The following WWOX variants were observed in gnomAD, a reference collection of about 807,000 sequenced individuals.
WWOX encodes WW domain-containing oxidoreductase.
A neutral mutation model predicts 46.2 loss-of-function variants in WWOX; 69 were observed. The observed-to-expected ratio is 1.49, with a 90% CI of 1.23 to 1.82. WWOX has a LOEUF of 1.82. WWOX is among the 40% of genes most tolerant of loss of function. The pLI is 0.00. For synonymous variants in WWOX, 359 were observed against 202.6 expected (o/e 1.77, Z -6.56); for missense variants, 919 against 542.6 (o/e 1.69, Z -6.89).
chr16:78,497,414 G>C (rs1371855910), intron 8 of WWOX, among the ~76,000 whole-genome samples: 2 of 152,184 alleles, frequency 1.3e-5, no homozygotes, highest in East Asian at 1.9e-4. Flanking sequence ...TGCACAATGA[G>C]TGTTTTTGTA....
At chr16:78,147,210 C>T (rs955359674) in intron 4 of WWOX, among the ~76,000 whole-genome samples, 3 of 151,820 alleles carry the variant, frequency 2.0e-5, no homozygotes, top group South Asian at 4.1e-4. Flanking sequence ...AAGGATTATC[C>T]TTTAATTTAG....
chr16:78,581,883 A>T (rs2667530), intron 8 of WWOX, among the ~76,000 whole-genome samples: 1 of 152,164 alleles, frequency 6.6e-6, no homozygotes, highest in East Asian at 1.9e-4. Flanking sequence ...CCTCTATTTG[A>T]AATTAAAATG....
At chr16:78,825,878 A>T in intron 8 of WWOX, 1 of 672,736 alleles carries the variant, frequency 1.5e-6, no homozygotes, top group Non-Finnish European at 2.7e-6. Flanking sequence ...TGGCCCTAAG[A>T]AGCCTCTGCC....
At chr16:79,021,294 G>T (rs529655839) in intron 8 of WWOX, among the ~76,000 whole-genome samples, 109 of 152,232 alleles carry the variant, frequency 7.2e-4, no homozygotes, top group African/African-American at 2.6e-3. Flanking sequence ...AAGGCACGCA[G>T]GATGCAAGAT....
chr16:78,257,252 T>G (rs1157058653), intron 5 of WWOX, among the ~76,000 whole-genome samples: 2 of 152,154 alleles, frequency 1.3e-5, no homozygotes, highest in Non-Finnish European at 2.9e-5. Context: ...ATGTTTCTCT[T>G]ATGTAGGAAG....
chr16:78,761,699 G>T (rs2049798565), intron 8 of WWOX, among the ~76,000 whole-genome samples: 1 of 152,000 alleles, frequency 6.6e-6, no homozygotes, highest in Non-Finnish European at 1.5e-5. Flanking sequence ...CCTTGGCTTT[G>T]AAGCTCTCCT....
chr16:78,149,807 C>A (rs1189751632), intron 4 of WWOX, among the ~76,000 whole-genome samples: 1 of 152,130 alleles, frequency 6.6e-6, no homozygotes, highest in Non-Finnish European at 1.5e-5. Flanking sequence ...TGGGGGCATT[C>A]CAGGCTGGTT....
chr16:78,824,036 G>A (rs1418092578), intron 8 of WWOX, among the ~76,000 whole-genome samples: 2 of 151,870 alleles, frequency 1.3e-5, no homozygotes, highest in Admixed American at 6.6e-5. Context: ...TGATAGACGT[G>A]TTCATTGTAG....
At chr16:78,901,175 C>G (rs2044822782) in intron 8 of WWOX, among the ~76,000 whole-genome samples, 1 of 152,128 alleles carries the variant, frequency 6.6e-6, no homozygotes, top group Admixed American at 6.5e-5. Flanking sequence ...CGGGTTCCTT[C>G]CTATCCATGA....
chr16:79,001,100 G>C (rs970605510), intron 8 of WWOX, among the ~76,000 whole-genome samples: 6 of 152,314 alleles, frequency 3.9e-5, no homozygotes, highest in South Asian at 4.1e-4. Context: ...AAGGTACTAT[G>C]AACTTTAATT....
At chr16:78,140,064 C>G (rs1567593973) in intron 4 of WWOX, among the ~76,000 whole-genome samples, 1 of 152,168 alleles carries the variant, frequency 6.6e-6, no homozygotes, top group African/African-American at 2.4e-5. Context: ...GTCAGAGAAT[C>G]TCTAGGATGG....
At chr16:79,025,331 T>C (rs1427314340) in intron 8 of WWOX, among the ~76,000 whole-genome samples, 2 of 152,156 alleles carry the variant, frequency 1.3e-5, no homozygotes, top group Non-Finnish European at 2.9e-5. Flanking sequence ...CCAAAAGATA[T>C]GTTCACTGGA....
chr16:79,019,658 G>A (rs1260040071), intron 8 of WWOX, among the ~76,000 whole-genome samples: 5 of 151,882 alleles, frequency 3.3e-5, no homozygotes, highest in Admixed American at 1.3e-4. Context: ...TACTGGATAA[G>A]CAAGGGAGAC....
chr16:78,778,864 C>T (rs573939284), intron 8 of WWOX, among the ~76,000 whole-genome samples: 1 of 152,246 alleles, frequency 6.6e-6, no homozygotes, highest in Admixed American at 6.5e-5. Flanking sequence ...GAAGAAACAC[C>T]CACATTGACC....
At chr16:78,505,006 G>A (rs1370768107) in intron 8 of WWOX, among the ~76,000 whole-genome samples, 3 of 152,096 alleles carry the variant, frequency 2.0e-5, no homozygotes, top group East Asian at 1.9e-4. Flanking sequence ...CTTTGTGCAC[G>A]AAAGGAGATA....
chr16:78,650,293 G>A lies in WWOX; in HGVS notation c.1056+217541G>A, dbSNP rs567892174. On this transcript the variant is annotated intron_variant, in intron 8 of 8. Coordinates refer to ENST00000566780, the MANE Select transcript of WWOX (RefSeq NM_016373.4). ...TGAAGATGAAGAAGTATGTGTATCC[G>A]CTTTTTGTCTTTCAGAATAACATAC... is the stretch of plus-strand genomic sequence containing the variant. Among the ~76,000 whole-genome samples, 219 of 152,250 alleles carry A rather than the reference G, an allele frequency of 1.4e-3. 9 individuals are homozygous for A. The South Asian group carries it at 0.042, about 29-fold the overall frequency.
rs77502330 is a variant in WWOX, at chr16:79,128,707, G to T, written c.1057-82901G>T. ...CATCCTACTTATTTCTAAAGTGTTGGGGTGAATTTGCCAAGGTTTGAAAAG... is the reference window on the plus strand; with the variant it reads ...CATCCTACTTATTTCTAAAGTGTTGTGGTGAATTTGCCAAGGTTTGAAAAG... On this transcript the variant is annotated intron_variant, in intron 8 of 8. Coordinates refer to ENST00000566780, the MANE Select transcript of WWOX (RefSeq NM_016373.4). Among the ~76,000 whole-genome samples, 50 of 152,286 alleles carry T rather than the reference G, an allele frequency of 3.3e-4. No individual in the cohort carries two copies. In the East Asian group the frequency reaches 8.9e-3, roughly 27 times the overall value.
chr16:78,807,138 A>C (rs1271804935), intron 8 of WWOX, among the ~76,000 whole-genome samples: 1 of 152,208 alleles, frequency 6.6e-6, no homozygotes, highest in Non-Finnish European at 1.5e-5. Context: ...ATTGAATTGG[A>C]ATCTGCACAT....
chr16:78,424,758 T>G, intron 6 of WWOX, 112 bp from the exon 7 acceptor site: 1 of 1,207,748 alleles, frequency 8.3e-7, no homozygotes, highest in Non-Finnish European at 1.2e-6. Flanking sequence ...GGAGCATGGA[T>G]TATCCTTGGT....
Sources: allele counts gnomAD v4.1 joint callset (sites outside exome capture counted in the v4.1 genomes callset), GRCh38; gene constraint gnomAD v4.1.1; transcripts MANE v1.5; gene names NCBI Gene and HGNC (gene_info 2026-07-23, HGNC 2026-07-21).